The following MIB1 variants were observed in gnomAD, a reference collection of about 807,000 sequenced individuals.
The protein encoded by MIB1 is E3 ubiquitin-protein ligase MIB1.
In MIB1, 278 loss-of-function variants were observed where a neutral mutation model predicts 124.5. The ratio of observed to expected loss-of-function variants is 2.23; its 90% CI spans 2.02 to 2.47. The LOEUF is 2.47. MIB1 is among the 30% of genes most tolerant of loss of function. The probability of loss-of-function intolerance (pLI) is 0.00; values close to 1 mark genes in which losing one functional copy is unlikely to be tolerated. For synonymous variants in MIB1, 446 were observed against 429.4 expected (o/e 1.04, Z -0.48); for missense variants, 957 against 1,254.4 (o/e 0.76, Z 3.58).
At chr18:21,855,993 G>T (rs2042222595) in intron 18 of MIB1, among the ~76,000 whole-genome samples, 2 of 152,022 alleles carry the variant, frequency 1.3e-5, no homozygotes, top group Non-Finnish European at 2.9e-5. Context: ...CACTTTGGGA[G>T]GCCGAAGCGG....
At chr18:21,789,163 A>T (rs2041472567) in intron 6 of MIB1, among the ~76,000 whole-genome samples, 1 of 152,292 alleles carries the variant, frequency 6.6e-6, no homozygotes, top group Non-Finnish European at 1.5e-5. Context: ...GGAGACTTTC[A>T]GGGAGAATCT....
At position 21,803,991 on chromosome 18, in the gene MIB1, CA is replaced by C; in HGVS notation, c.1460del (p.Asn487ThrfsTer27). On this transcript the variant is annotated frameshift_variant, in exon 10 of 21. Transcript: ENST00000261537. LOFTEE classifies it high-confidence loss of function. The part of the protein sequence containing the change: ...HVDILKLLLK[Q>X]NVDVEAEDKD... ...TGACATTTTGAAGTTACTTTTGAAG[CA>C]AAACGTGGATGTCGAAGCAGAGGTA... 1 of 1,613,210 alleles carries C rather than the reference CA, an allele frequency of 6.2e-7. No homozygotes were observed. Among genetic ancestry groups the C allele is most frequent in the Non-Finnish European group, 8.5e-7 (1 of 1,179,484 alleles).
intron 1 of MIB1, among the ~76,000 whole-genome samples, chr18:21,734,548 TCA>T (rs746461263): frequency 1.4e-4 from 21 of 146,852 alleles, no homozygotes; most frequent in East Asian, 4.2e-4. Flanking sequence ...TCTTTCTTTC[TCA>T]CAGAGGCTTG....
At chr18:21,794,881 G>C (rs1349688331) in intron 7 of MIB1, among the ~76,000 whole-genome samples, 2 of 149,980 alleles carry the variant, frequency 1.3e-5, no homozygotes, top group Non-Finnish European at 3.0e-5. Flanking sequence ...ACTGTGCTAT[G>C]AATATGTGAG....
At chr18:21,728,018 C>T (rs1367857054) in intron 1 of MIB1, among the ~76,000 whole-genome samples, 5 of 152,060 alleles carry the variant, frequency 3.3e-5, no homozygotes, top group South Asian at 2.1e-4. Context: ...AAACTGAGAG[C>T]GAATAAACAT....
intron 10 of MIB1, among the ~76,000 whole-genome samples, chr18:21,804,320 G>A (rs765420142): frequency 1.3e-5 from 2 of 152,174 alleles, no homozygotes; most frequent in Non-Finnish European, 2.9e-5. Context: ...GAAATTGAAG[G>A]ACGAGGAATA....
At position 21,844,112 on chromosome 18, in the gene MIB1, C is replaced by G; in HGVS notation, c.2070C>G (p.Ala690=). The G allele has an allele frequency of 6.2e-7, 1 of 1,613,924 alleles. No homozygotes were observed. Among genetic ancestry groups the G allele is most frequent in the Admixed American group, 1.7e-5 (1 of 60,022 alleles). The part of the protein sequence containing the change: ...QIVRLLVRAG[A]KLDIQDKDGD... Reference sequence around the variant, plus strand: ...TTTAGCTTTTGGTCCGTGCAGGTGCCAAGCTTGATATTCAGGATAAGGATG... The same window carrying G: ...TTTAGCTTTTGGTCCGTGCAGGTGCGAAGCTTGATATTCAGGATAAGGATG... Residue 690 remains alanine, a synonymous_variant, in exon 15 of 21, where the codon GCC becomes GCG. Coordinates refer to ENST00000261537, the MANE Select transcript of MIB1 (RefSeq NM_020774.4).
At position 21,762,637 on chromosome 18, in the gene MIB1, G is replaced by C. The variant is rs2041111059; in HGVS notation, c.230-3135G>C. The stretch of plus-strand genomic sequence containing the variant: ...CTGGGTGAGTAGGAGCATTTAACAT[G>C]AAGTATAAGCATCAGAGATGCCATG... On this transcript the variant is annotated intron_variant, in intron 1 of 20. Transcript: ENST00000261537. Among the ~76,000 whole-genome samples the C allele has an allele frequency of 2.0e-5, 3 of 152,142 alleles. No individual in the cohort carries two copies. In the South Asian group the frequency reaches 6.2e-4, roughly 31 times the overall value.
At chr18:21,745,501 G>A (rs891011725) in intron 1 of MIB1, among the ~76,000 whole-genome samples, 1 of 152,144 alleles carries the variant, frequency 6.6e-6, no homozygotes, top group East Asian at 1.9e-4. Flanking sequence ...ATATGTACAT[G>A]CGTGGTAAAA....
chr18:21,706,192 C>T (rs1229403423), intron 1 of MIB1, among the ~76,000 whole-genome samples: 2 of 152,204 alleles, frequency 1.3e-5, no homozygotes, highest in African/African-American at 4.8e-5. Flanking sequence ...CGTGATTCTC[C>T]TGCCTCAGCC....
At position 21,868,890 on chromosome 18, in the gene MIB1, T is replaced by G. The variant is rs2042338292; in HGVS notation, c.*4224T>G. ...TTTAGATTGAGCCTCAATTTACTGG[T>G]TAGTAGTATGTGAAACTCTGGTATA... On this transcript the variant is annotated 3_prime_UTR_variant, in exon 21 of 21. Coordinates refer to ENST00000261537, the MANE Select transcript of MIB1 (RefSeq NM_020774.4). The G allele has an allele frequency of 1.3e-5, 2 of 152,484 alleles. No homozygotes were observed. The highest frequency in any genetic ancestry group is 4.1e-4 in the South Asian group (2 of 4,832). 9.4% of individuals were successfully genotyped at this position (152,484 alleles called of 1,614,324 possible). A position where few individuals can be genotyped will look rare whatever the true frequency, so the allele number is the denominator to read the frequency against.
chr18:21,815,471 C>T (rs748729441), intron 10 of MIB1, 145 bp from the exon 11 acceptor site: 7 of 696,432 alleles, frequency 1.0e-5, no homozygotes, highest in Non-Finnish European at 1.6e-5. Context: ...GCATGAGCCA[C>T]TGCACCTGGT....
At chr18:21,708,462 T>C (rs2040650419) in intron 1 of MIB1, among the ~76,000 whole-genome samples, 1 of 152,136 alleles carries the variant, frequency 6.6e-6, no homozygotes, top group Non-Finnish European at 1.5e-5. Flanking sequence ...GAGACCAGCT[T>C]GACCAACATC....
At chr18:21,705,628 A>G (rs779917830) in intron 1 of MIB1, among the ~76,000 whole-genome samples, 4 of 152,210 alleles carry the variant, frequency 2.6e-5, no homozygotes, top group Non-Finnish European at 4.4e-5. Context: ...ACTTAAACAG[A>G]CGAAAGAAGG....
At chr18:21,818,254 A>AT (rs1396994095) in intron 11 of MIB1, among the ~76,000 whole-genome samples, 41 of 151,630 alleles carry the variant, frequency 2.7e-4, no homozygotes, top group Non-Finnish European at 5.2e-4. Flanking sequence ...TGGACATCAG[A>AT]TTTTTTTTTC....
At chr18:21,731,460 G>A (rs576485305) in intron 1 of MIB1, among the ~76,000 whole-genome samples, 5 of 152,230 alleles carry the variant, frequency 3.3e-5, no homozygotes, top group South Asian at 4.1e-4. Context: ...CTGGCCAGGC[G>A]CGGTGGCTCA....
At chr18:21,856,842 A>C (rs544573268) in intron 18 of MIB1, among the ~76,000 whole-genome samples, 63 of 152,340 alleles carry the variant, frequency 4.1e-4, no homozygotes, top group African/African-American at 1.4e-3. Flanking sequence ...AAATCTTGAA[A>C]TATTTATTGT....
At position 21,743,129 on chromosome 18, in the gene MIB1, AGAAAAT is replaced by A. The variant is rs577311863; in HGVS notation, c.229+1323_229+1328del. On this transcript the variant is annotated intron_variant, in intron 1 of 20. Coordinates refer to ENST00000261537, the MANE Select transcript of MIB1 (RefSeq NM_020774.4). ...AAAAGGGTGTATGTACATGACTAGA[AGAAAAT>A]GAAAAGATTCAACAGCACAAAAAGG... Among the ~76,000 whole-genome samples, 19 of 152,338 alleles carry A rather than the reference AGAAAAT, an allele frequency of 1.2e-4. No individual in the cohort carries two copies. In the East Asian group the frequency reaches 2.1e-3, roughly 17 times the overall value.
rs45495193 is a variant in MIB1, at chr18:21,869,717, C to G, written c.*5051C>G. ...TAAGTAGCATCTGGGAAGAGGAGAT[C>G]GAGGCCACAGTTTGCTATTTTAGTA... is the stretch of plus-strand genomic sequence containing the variant. On this transcript the variant is annotated 3_prime_UTR_variant, in exon 21 of 21. Transcript: ENST00000261537. 0.24 allele frequency: 36,041 copies of G among 151,878 alleles called. 4,557 individuals carry two copies. The highest frequency in any genetic ancestry group is 0.4 in the South Asian group (1,902 of 4,798). 9.4% of individuals were successfully genotyped at this position (151,878 alleles called of 1,614,324 possible).
Sources: gnomAD v4.1 joint callset for allele counts (sites outside exome capture counted in the v4.1 genomes callset) on GRCh38, gnomAD v4.1.1 for gene constraint, MANE v1.5 for transcripts, NCBI Gene and HGNC (gene_info 2026-07-23, HGNC 2026-07-21) for gene names.